DNAJC16: variants seen among roughly 807,000 people sequenced by gnomAD.
DNAJC16 encodes the protein DnaJ heat shock protein family (Hsp40) member C16.
A neutral mutation model predicts 92.7 loss-of-function variants in DNAJC16; 76 were observed. The ratio of observed to expected loss-of-function variants is 0.82; its 90% CI spans 0.68 to 0.99. DNAJC16 has a LOEUF of 0.99. Among genes scored for constraint, DNAJC16 ranks in the 50% least tolerant of loss-of-function variants. The pLI is 0.00. For synonymous variants in DNAJC16, 328 were observed against 358.7 expected (o/e 0.91, Z 0.97); for missense variants, 869 against 942.4 (o/e 0.92, Z 1.02).
chr1:15,536,072 C>CTTTTTTTTTTTTTTTTTTT (rs758451008), intron 3 of DNAJC16, among the ~76,000 whole-genome samples: 1 of 84,612 alleles, frequency 1.2e-5, no homozygotes. Flanking sequence ...CTTTTCTTTT[C>CTTTTTTTTTTTTTTTTTTT]TTTTTTTTTT....
chr1:15,566,781 G>A (rs934012548), intron 13 of DNAJC16, among the ~76,000 whole-genome samples: 2 of 152,166 alleles, frequency 1.3e-5, no homozygotes, highest in Non-Finnish European at 2.9e-5. Context: ...CTACTTGGGA[G>A]GCTGAGGTAG....
At position 15,568,699 on chromosome 1, in the gene DNAJC16, G is replaced by C. The variant is rs930906433; in HGVS notation, c.*522G>C. On this transcript the variant is annotated 3_prime_UTR_variant, in exon 15 of 15. Transcript: ENST00000375847. ...AAGGCCCCTTTCCAAGCAATCTCAC[G>C]TTTACTGGTTGTTCTGGGAGTAAGT... 8 of 398,948 alleles carry C rather than the reference G, an allele frequency of 2.0e-5. No homozygotes were observed. The highest frequency in any genetic ancestry group is 1.1e-4 in the East Asian group (3 of 28,096). 24.7% of individuals were successfully genotyped at this position (398,948 alleles called of 1,614,324 possible).
At chr1:15,566,901 C>G in intron 13 of DNAJC16, 198 bp from the exon 14 acceptor site, 1 of 466,282 alleles carries the variant, frequency 2.1e-6, no homozygotes, top group African/African-American at 1.9e-5. Context: ...AAAAGAAAAG[C>G]AGCACAGAAA....
At chr1:15,560,185 G>A (rs1557585939) in intron 8 of DNAJC16, 1 of 152,222 alleles carries the variant, frequency 6.6e-6, no homozygotes, top group African/African-American at 2.4e-5. Flanking sequence ...CTAGTGGTCA[G>A]AGAAGATTTC....
At chr1:15,530,652 T>C (rs1192866013) in intron 2 of DNAJC16, among the ~76,000 whole-genome samples, 1 of 152,210 alleles carries the variant, frequency 6.6e-6, no homozygotes, top group Non-Finnish European at 1.5e-5. Context: ...TTTTATCTCA[T>C]TTAAACCTTA....
At chr1:15,563,844 C>T (rs887460887) in intron 9 of DNAJC16, 85 bp from the exon 10 acceptor site, 105 of 1,192,930 alleles carry the variant, frequency 8.8e-5, no homozygotes, top group Non-Finnish European at 1.1e-4. Flanking sequence ...AGCAAGACTC[C>T]GTCAAAAAAA....
rs1638886167 is a variant in DNAJC16 at position 15,569,088 on chromosome 1, T to G, written c.*911T>G. ...TAAGCTGCTATAAAGCCAGTAGATG[T>G]TAAACTGAAGAGAAATTATTCCCAC... On this transcript the variant is annotated 3_prime_UTR_variant, in exon 15 of 15. Transcript: ENST00000375847. 1 of 170,360 alleles carries G rather than the reference T, an allele frequency of 5.9e-6. No individual in the cohort carries two copies. The highest frequency in any genetic ancestry group is 2.4e-5 in the African/African-American group (1 of 42,278). 10.6% of individuals were successfully genotyped at this position (170,360 alleles called of 1,614,324 possible).
At chr1:15,535,998 C>G (rs1243421046) in intron 3 of DNAJC16, among the ~76,000 whole-genome samples, 1 of 150,600 alleles carries the variant, frequency 6.6e-6, no homozygotes, top group Non-Finnish European at 1.5e-5. Context: ...CTCCTGGCTT[C>G]AAGGGATCCT....
At chr1:15,563,813 G>A (rs1373155089) in intron 9 of DNAJC16, 116 bp from the exon 10 acceptor site, 9 of 1,033,752 alleles carry the variant, frequency 8.7e-6, no homozygotes, top group African/African-American at 1.6e-5. Flanking sequence ...TCACGCCACT[G>A]CACTCCAGCC....
chr1:15,533,953 A>C (rs373801217), intron 2 of DNAJC16, among the ~76,000 whole-genome samples: 10 of 152,256 alleles, frequency 6.6e-5, no homozygotes, highest in African/African-American at 1.9e-4. Context: ...AGCAGTGTAC[A>C]GACATGCACC....
chr1:15,535,162 C>G (rs1405921671), intron 3 of DNAJC16, among the ~76,000 whole-genome samples: 1 of 152,214 alleles, frequency 6.6e-6, no homozygotes, highest in Non-Finnish European at 1.5e-5. Flanking sequence ...AGTAAATTAA[C>G]AGACAAGGCA....
At chr1:15,544,183 C>CACACACACACAT (rs894567698) in intron 4 of DNAJC16, among the ~76,000 whole-genome samples, 17 of 144,772 alleles carry the variant, frequency 1.2e-4, no homozygotes, top group African/African-American at 4.3e-4. Flanking sequence ...CACACACACA[C>CACACACACACAT]ACATTTGTAA....
intron 2 of DNAJC16, among the ~76,000 whole-genome samples, chr1:15,531,624 C>T (rs542385958): frequency 1.1e-3 from 169 of 152,320 alleles, no homozygotes; most frequent in African/African-American, 3.9e-3. Context: ...ACTTTTCTGT[C>T]TTCCAGAGCT....
rs1320835341 is a variant in DNAJC16, at chr1:15,568,890, A to G, written c.*713A>G. 4 of 393,828 alleles carry G rather than the reference A, an allele frequency of 1.0e-5. No homozygotes were observed. The highest frequency in any genetic ancestry group is 4.4e-5 in the Admixed American group (1 of 22,554). 24.4% of individuals were successfully genotyped at this position (393,828 alleles called of 1,614,324 possible). A position where few individuals can be genotyped will look rare whatever the true frequency, so the allele number is the denominator to read the frequency against. ...CCTTGAGACACGCTGTGAGCATCCC[A>G]TCCGCCGCCCCAGCGCTGCTGGTAG... On this transcript the variant is annotated 3_prime_UTR_variant, in exon 15 of 15. Coordinates refer to ENST00000375847, the MANE Select transcript of DNAJC16 (RefSeq NM_015291.4).
chr1:15,560,663 A>G (rs1320600480), intron 8 of DNAJC16, among the ~76,000 whole-genome samples: 3 of 152,186 alleles, frequency 2.0e-5, no homozygotes, highest in East Asian at 1.9e-4. Context: ...AGATTCCTTT[A>G]TAGTCTTAAG....
intron 6 of DNAJC16, 81 bp from the exon 7 acceptor site, chr1:15,548,189 G>A: frequency 2.1e-6 from 3 of 1,416,758 alleles, no homozygotes; most frequent in East Asian, 4.6e-5. Flanking sequence ...TCTGCTCAGT[G>A]ATGTGAAAAA....
rs181553633 is a variant in DNAJC16, at chr1:15,545,220, T to C, written c.759+637T>C. Among the ~76,000 whole-genome samples, 147 of 152,312 alleles carry C rather than the reference T, an allele frequency of 9.7e-4. 1 individual carries two copies. Among genetic ancestry groups the C allele is most frequent in the African/African-American group, 3.5e-3 (145 of 41,570 alleles). ...GGGATCAAAGTAACTAGGAACGGACTCTCATTTTGCTTTAAATAATTCATT... is the reference window on the plus strand; with the variant it reads ...GGGATCAAAGTAACTAGGAACGGACCCTCATTTTGCTTTAAATAATTCATT... On this transcript the variant is annotated intron_variant, in intron 5 of 14. Coordinates refer to ENST00000375847, the MANE Select transcript of DNAJC16 (RefSeq NM_015291.4).
At position 15,568,460 on chromosome 1, in the gene DNAJC16, G is replaced by C. The variant is rs1249096276; in HGVS notation, c.*283G>C. ...ACTGCTCATCCCCTCTTCCTTTCTT[G>C]TCCTTGTCCCATGCTCACCCCACCC... On this transcript the variant is annotated 3_prime_UTR_variant, in exon 15 of 15. Transcript: ENST00000375847. 1 of 508,466 alleles carries C rather than the reference G, an allele frequency of 2.0e-6. No individual in the cohort carries two copies. Among genetic ancestry groups the C allele is most frequent in the African/African-American group, 1.9e-5 (1 of 51,690 alleles). The allele number at this position is 508,466 out of a possible 1,614,324, so 31.5% of individuals were successfully genotyped here.
In DNAJC16 at chr1:15,568,031, C is replaced by G. The variant is rs770114923; in HGVS notation, c.2203C>G (p.Leu735Val). 30 of 1,614,100 alleles carry G rather than the reference C, an allele frequency of 1.9e-5. No individual in the cohort carries two copies. The South Asian group carries it at 3.2e-4, about 17-fold the overall frequency. Residue 735 changes from leucine to valine, a missense_variant, in exon 15 of 15, where the codon CTG becomes GTG. Leu to Val is a conservative substitution (Grantham distance 32). Coordinates refer to ENST00000375847, the MANE Select transcript of DNAJC16 (RefSeq NM_015291.4). ...SCSDVDSSLY[L>V]GESRGKPSCG... is the part of the protein sequence containing the mutation. ...CAGTGATGTTGACTCTTCCCTCTAC[C>G]TGGGTGAATCTCGAGGGAAACCTTC...
Sources: gnomAD v4.1 joint callset for allele counts (sites outside exome capture counted in the v4.1 genomes callset) on GRCh38, gnomAD v4.1.1 for gene constraint, MANE v1.5 for transcripts, NCBI Gene and HGNC (gene_info 2026-07-23, HGNC 2026-07-21) for gene names.